The following CDK2 variants were observed in gnomAD, a reference collection of about 807,000 sequenced individuals.
CDK2 encodes cyclin-dependent kinase 2.
A neutral mutation model predicts 35.0 loss-of-function variants in CDK2; 8 were observed. The observed-to-expected ratio is 0.23, with a 90% CI of 0.13 to 0.41. CDK2 has a LOEUF of 0.41. Among genes scored for constraint, CDK2 ranks in the 10% least tolerant of loss-of-function variants. The pLI, the probability that CDK2 is intolerant of heterozygous loss-of-function variation, is 1.00. For missense variants in CDK2, 201 were observed against 367.1 expected (o/e 0.55, Z 3.70); for synonymous variants, 134 against 137.7 (o/e 0.97, Z 0.19).
In CDK2 at chr12:55,972,419, C is replaced by T. The variant is rs1889502366; in HGVS notation, c.*794C>T. 1 of 152,146 alleles carries T rather than the reference C, an allele frequency of 6.6e-6. No individual in the cohort carries two copies. The highest frequency in any genetic ancestry group is 1.5e-5 in the Non-Finnish European group (1 of 68,026). The allele number at this position is 152,146 out of a possible 1,614,324, so 9.4% of individuals were successfully genotyped here. A position where few individuals can be genotyped will look rare whatever the true frequency, so the allele number is the denominator to read the frequency against. On this transcript the variant is annotated 3_prime_UTR_variant, in exon 7 of 7. Transcript: ENST00000266970. ...CCTGATCCCATTTTCCTCTGACGTC[C>T]ACCTCCTACCCCATAGGAGTTAGAA...
intron 6 of CDK2, 53 bp from the exon 7 acceptor site, chr12:55,971,468 C>A: frequency 7.4e-7 from 1 of 1,357,578 alleles, no homozygotes; most frequent in Non-Finnish European, 1.1e-6. Context: ...ACACCTGCTG[C>A]CCATTTAGTC....
intron 5 of CDK2, among the ~76,000 whole-genome samples, chr12:55,970,288 C>CAAA (rs60371110): frequency 0.014 from 299 of 21,850 alleles, 25 homozygotes; most frequent in Non-Finnish European, 0.037. Context: ...GATTCCATCT[C>CAAA]AAAAAAAAAA....
intron 5 of CDK2, 101 bp downstream of exon 5, chr12:55,969,677 CA>C (rs981961647): frequency 1.2e-5 from 7 of 586,046 alleles, no homozygotes; most frequent in Non-Finnish European, 2.1e-5. Context: ...GCCCTTCTAT[CA>C]CAGGGTTCTC....
intron 5 of CDK2, chr12:55,970,672 G>T (rs1274023903): frequency 2.8e-6 from 2 of 702,328 alleles, no homozygotes; most frequent in Admixed American, 2.0e-5. Context: ...GTCTCTGCCC[G>T]CTGTGCTCGT....
At chr12:55,969,448 C>A in intron 4 of CDK2, 27 bp from the exon 5 acceptor site, 2 of 1,355,730 alleles carry the variant, frequency 1.5e-6, no homozygotes, top group Non-Finnish European at 2.1e-6. Flanking sequence ...ATAAACCACC[C>A]CGCCCCTCCC....
In CDK2 at chr12:55,966,985, G is replaced by A. The variant is rs1462460015; in HGVS notation, c.-24G>A. The A allele has an allele frequency of 3.8e-6, 6 of 1,580,500 alleles. No individual in the cohort carries two copies. The South Asian group carries it at 5.6e-5, about 15-fold the overall frequency. On this transcript the variant is annotated 5_prime_UTR_variant, in exon 1 of 7. Coordinates refer to ENST00000266970, the MANE Select transcript of CDK2 (RefSeq NM_001798.5). ...TCCCAGGCCCCCGCTCCAGGGCCGG[G>A]CTGACCCGACTCGCTGGCGCTTCAT...
chr12:55,969,628 T>C (rs749160093), intron 5 of CDK2, 52 bp downstream of exon 5: 99 of 1,005,806 alleles, frequency 9.8e-5, no homozygotes, highest in Middle Eastern at 2.5e-4. Context: ...CCTCCCCACA[T>C]CCAAGAACAA....
chr12:55,969,394 C>G, intron 4 of CDK2, 81 bp from the exon 5 acceptor site: 1 of 674,956 alleles, frequency 1.5e-6, no homozygotes, highest in South Asian at 2.0e-5. Context: ...CAAGAGTAAG[C>G]AGAGTAGTGT....
At position 55,971,208 on chromosome 12, in the gene CDK2, T is replaced by C; in HGVS notation, c.753T>C (p.Val251=). ...PKWARQDFSK[V]VPPLDEDGRS... ...GGGCCCGGCAAGATTTTAGTAAAGT[T>C]GTACCTCCCCTGGATGAAGATGGAC... The change falls in exon 6 of 7, where the codon GTT becomes GTC. Residue 251 remains valine, a synonymous_variant. Transcript: ENST00000266970. 6.2e-7 allele frequency: 1 copy of C among 1,614,118 alleles called. No homozygotes were observed.
At position 55,971,750 on chromosome 12, in the gene CDK2, A is replaced by G; in HGVS notation, c.*125A>G. On this transcript the variant is annotated 3_prime_UTR_variant, in exon 7 of 7. Transcript: ENST00000266970. ...AACTTGCCTTAAACACTCACCTTCT[A>G]GTCTTGGCCAGCCAACTCTGGGAAT... 4.5e-6 allele frequency: 3 copies of G among 659,478 alleles called. No individual in the cohort carries two copies. Among genetic ancestry groups the G allele is most frequent in the South Asian group, 1.8e-5 (1 of 54,924 alleles). The allele number at this position is 659,478 out of a possible 1,614,324, so 40.9% of individuals were successfully genotyped here. A position where few individuals can be genotyped will look rare whatever the true frequency, so the allele number is the denominator to read the frequency against.
rs2136461653 is a variant in CDK2, at chr12:55,971,539, C to G, written c.811C>G (p.Pro271Ala). 1 of 1,613,968 alleles carries G rather than the reference C, an allele frequency of 6.2e-7. No individual in the cohort carries two copies. The highest frequency in any genetic ancestry group is 2.2e-5 in the East Asian group (1 of 44,882). The stretch of plus-strand genomic sequence containing the variant: ...CCTCTAGCAAATGCTGCACTACGAC[C>G]CTAACAAGCGGATTTCGGCCAAGGC... ...SLLSQMLHYD[P>A]NKRISAKAAL... The change falls in exon 7 of 7, where the codon CCT (proline) becomes GCT (alanine). Residue 271 changes from proline (P) to alanine (A), a missense_variant. This residue lies in a region of CDK2 where 106 missense variants were observed against 141.3 expected (regional missense o/e 0.75). Coordinates refer to ENST00000266970, the MANE Select transcript of CDK2 (RefSeq NM_001798.5).
rs1479913848 is a variant in CDK2 at position 55,972,193 on chromosome 12, C to T, written c.*568C>T. ...TAGGCTGGGAGACTGAAGACTCAGC[C>T]CGGGTGGGGCTGCAGAAAAATGATT... On this transcript the variant is annotated 3_prime_UTR_variant, in exon 7 of 7. Transcript: ENST00000266970. 1.3e-5 allele frequency: 2 copies of T among 152,382 alleles called. No individual in the cohort carries two copies. Among genetic ancestry groups the T allele is most frequent in the Non-Finnish European group, 2.9e-5 (2 of 68,216 alleles). 9.4% of individuals were successfully genotyped at this position (152,382 alleles called of 1,614,324 possible).
intron 3 of CDK2, 109 bp from the exon 4 acceptor site, chr12:55,968,669 A>C (rs1302034180): frequency 1.3e-6 from 1 of 794,004 alleles, no homozygotes; most frequent in Non-Finnish European, 1.9e-6. Context: ...GTAAATATGT[A>C]ACTATAATCC....
intron 1 of CDK2, 67 bp downstream of exon 1, chr12:55,967,191 C>A: frequency 8.1e-7 from 1 of 1,242,058 alleles, no homozygotes; most frequent in Non-Finnish European, 1.2e-6. Flanking sequence ...CAACCCCCCA[C>A]GGGCGGGTAG....
rs772429381 is a variant in CDK2, at chr12:55,971,258, G to GA, written c.792+11_792+12insA. The stretch of plus-strand genomic sequence containing the variant: ...CGGAGCTTGTTATCGGTGAGAGTGG[G>GA]CACCTGTTTTCCCTCATTCATTTCT... On this transcript the variant is annotated intron_variant, in intron 6 of 6. Transcript: ENST00000266970. 2 of 1,611,930 alleles carry GA rather than the reference G, an allele frequency of 1.2e-6. No individual in the cohort carries two copies. Among genetic ancestry groups the GA allele is most frequent in the African/African-American group, 2.7e-5 (2 of 74,864 alleles).
At chr12:55,967,488 T>C (rs1036693631) in intron 1 of CDK2, 1 of 420,248 alleles carries the variant, frequency 2.4e-6, no homozygotes. Flanking sequence ...AAGAGCCCTC[T>C]TCACTGCCCC....
At chr12:55,967,214 C>A in intron 1 of CDK2, 90 bp downstream of exon 1, 1 of 916,888 alleles carries the variant, frequency 1.1e-6, no homozygotes, top group South Asian at 1.4e-5. Flanking sequence ...GTCCAGGGAC[C>A]GGAAGAGAGC....
At chr12:55,970,966 TG>T in intron 5 of CDK2, 77 bp from the exon 6 acceptor site, 1 of 1,256,566 alleles carries the variant, frequency 8.0e-7, no homozygotes, top group Non-Finnish European at 1.2e-6. Flanking sequence ...TTACTGTCTG[TG>T]GGAACTCCTT....
In CDK2 at chr12:55,971,089, C is replaced by A. The variant is rs1889460850; in HGVS notation, c.634C>A (p.Leu212Ile). 6.2e-7 allele frequency: 1 copy of A among 1,614,068 alleles called. No individual in the cohort carries two copies. The highest frequency in any genetic ancestry group is 1.3e-5 in the African/African-American group (1 of 74,906). The change falls in exon 6 of 7, where the codon CTC (leucine) becomes ATC (isoleucine). Residue 212 changes from leucine to isoleucine, a missense_variant. Transcript: ENST00000266970. Reference sequence around the variant, plus strand: ...CCCTGGAGATTCTGAGATTGACCAGCTCTTCCGGATCTTTCGGACTCTGGG... The same window carrying A: ...CCCTGGAGATTCTGAGATTGACCAGATCTTCCGGATCTTTCGGACTCTGGG... ...LFPGDSEIDQ[L>I]FRIFRTLGTP...
Sources: gnomAD v4.1 joint callset for allele counts (sites outside exome capture counted in the v4.1 genomes callset) on GRCh38, gnomAD v4.1.1 for gene constraint, gnomAD v4.1.1 regional missense constraint, MANE v1.5 for transcripts, NCBI Gene and HGNC (gene_info 2026-07-23, HGNC 2026-07-21) for gene names.